TRAK1: variants seen among roughly 807,000 people sequenced by gnomAD.
TRAK1 encodes trafficking kinesin protein 1, also known as trafficking kinesin-binding protein 1.
TRAK1 carries 33 observed loss-of-function variants against 92.1 expected under a neutral mutation model. The observed-to-expected ratio is 0.36, with a 90% confidence interval of 0.27 to 0.48. TRAK1 has a LOEUF of 0.48. TRAK1 is among the 20% of genes least tolerant of loss of function. TRAK1 has a pLI of 0.99. For synonymous variants in TRAK1, 521 were observed against 517.3 expected (o/e 1.01, Z -0.10); for missense variants, 1,123 against 1,257.9 (o/e 0.89, Z 1.62).
chr3:42,079,485 T>C (rs921158208), intron 1 of TRAK1, among the ~76,000 whole-genome samples: 1 of 148,780 alleles, frequency 6.7e-6, no homozygotes, highest in Admixed American at 6.7e-5. Flanking sequence ...TTCTTTTTTT[T>C]TTTTTTTTGT....
At chr3:42,207,595 A>G (rs937945803) in intron 13 of TRAK1, among the ~76,000 whole-genome samples, 1 of 152,176 alleles carries the variant, frequency 6.6e-6, no homozygotes, top group African/African-American at 2.4e-5. Context: ...GATGGTTTCA[A>G]GGAGTGAGCT....
chr3:42,140,332 TA>T (rs1289556483), intron 2 of TRAK1, among the ~76,000 whole-genome samples: 2 of 152,080 alleles, frequency 1.3e-5, no homozygotes, highest in East Asian at 3.9e-4. Flanking sequence ...GGCAACATTT[TA>T]AAAAATAAAG....
At chr3:42,206,461 C>T (rs1461735274) in intron 13 of TRAK1, among the ~76,000 whole-genome samples, 4 of 152,206 alleles carry the variant, frequency 2.6e-5, no homozygotes, top group African/African-American at 9.7e-5. Flanking sequence ...AGAGAATGGA[C>T]ACTGGAGCCA....
chr3:42,026,586 A>G (rs1701927597), intron 1 of TRAK1, among the ~76,000 whole-genome samples: 1 of 148,798 alleles, frequency 6.7e-6, no homozygotes, highest in Admixed American at 6.8e-5. Context: ...GTGCAGTGGC[A>G]TGATCTCAGC....
At chr3:42,191,665 T>G in intron 7 of TRAK1, 29 bp downstream of exon 7, 1 of 1,574,258 alleles carries the variant, frequency 6.4e-7, no homozygotes, top group South Asian at 1.2e-5. Flanking sequence ...GTCTTCTTAC[T>G]TCCTTGCATC....
At chr3:42,084,722 A>T (rs937945553), upstream of TRAK1, among the ~76,000 whole-genome samples, 4 of 151,440 alleles carry the variant, frequency 2.6e-5, no homozygotes, top group Non-Finnish European at 5.9e-5. Flanking sequence ...CTTCTTGAGG[A>T]TTATAGGCTT....
rs1019880911 is a variant in TRAK1 at position 42,055,303 on chromosome 3, ACT to A, written c.-518-31792_-518-31791del. Among the ~76,000 whole-genome samples, 9 of 151,910 alleles carry A rather than the reference ACT, an allele frequency of 5.9e-5. No homozygotes were observed. The South Asian group carries it at 8.3e-4, about 14-fold the overall frequency. On this transcript the variant is annotated intron_variant, in intron 1 of 16. Coordinates refer to the TRAK1 transcript ENST00000487159. ...ACACCCCAAAGAAACTGCCCGTAAA[ACT>A]CTCTCTCTTTATAAAACTCTCTCCC...
At chr3:42,153,303 T>C (rs1700153544) in intron 2 of TRAK1, among the ~76,000 whole-genome samples, 1 of 152,116 alleles carries the variant, frequency 6.6e-6, no homozygotes, top group East Asian at 1.9e-4. Flanking sequence ...ACTCGGAAGC[T>C]GAGGTGGGAA....
intron 1 of TRAK1, among the ~76,000 whole-genome samples, chr3:42,027,284 GAGGC>G (rs1240030800): frequency 6.6e-6 from 1 of 152,174 alleles, no homozygotes; most frequent in Non-Finnish European, 1.5e-5. Context: ...AGCACTTTGG[GAGGC>G]CGAGACGGGC....
upstream of TRAK1, among the ~76,000 whole-genome samples, chr3:42,089,448 C>G (rs1439561507): frequency 6.6e-6 from 1 of 152,126 alleles, no homozygotes; most frequent in Non-Finnish European, 1.5e-5. Context: ...AGTGAGCTCC[C>G]CTTCTATAGA....
intron 14 of TRAK1, chr3:42,210,744 T>C (rs1200805938): frequency 1.0e-6 from 1 of 985,688 alleles, no homozygotes; most frequent in African/African-American, 1.7e-5. Context: ...AAAAAGTGTT[T>C]TAGCAATACT....
At chr3:42,205,993 T>C (rs951271117) in intron 13 of TRAK1, among the ~76,000 whole-genome samples, 2 of 152,126 alleles carry the variant, frequency 1.3e-5, no homozygotes, top group African/African-American at 4.8e-5. Context: ...AGTGAGCAGG[T>C]CTTGAGTTGG....
intron 2 of TRAK1, among the ~76,000 whole-genome samples, chr3:42,139,811 G>A (rs933486484): frequency 7.2e-5 from 11 of 152,172 alleles, no homozygotes; most frequent in Admixed American, 2.0e-4. Flanking sequence ...TGACAGCTCA[G>A]CTCACACTCC....
At chr3:42,222,406 T>C (rs1710446161) in intron 15 of TRAK1, among the ~76,000 whole-genome samples, 1 of 152,204 alleles carries the variant, frequency 6.6e-6, no homozygotes, top group African/African-American at 2.4e-5. Flanking sequence ...GGGCACAGCC[T>C]GGCCTCAGTC....
intron 15 of TRAK1, chr3:42,220,489 T>G: frequency 1.0e-6 from 1 of 985,380 alleles, no homozygotes; most frequent in Non-Finnish European, 1.2e-6. Flanking sequence ...CTATGAATAA[T>G]TCTCCGCAGG....
chr3:42,193,781 T>C, intron 8 of TRAK1, 43 bp from the exon 9 acceptor site: 1 of 1,608,610 alleles, frequency 6.2e-7, no homozygotes, highest in South Asian at 1.1e-5. Context: ...GTTGGACTTT[T>C]ACCAAGTATC....
At chr3:42,209,363 C>T (rs1460495873) in intron 13 of TRAK1, among the ~76,000 whole-genome samples, 3 of 152,134 alleles carry the variant, frequency 2.0e-5, no homozygotes, top group South Asian at 2.1e-4. Flanking sequence ...GCATAGAATA[C>T]GTACATGTGG....
chr3:42,094,918 A>G (rs1705673631), intron 1 of TRAK1, among the ~76,000 whole-genome samples: 1 of 152,214 alleles, frequency 6.6e-6, no homozygotes, highest in Non-Finnish European at 1.5e-5. Context: ...CTGGTGTTCC[A>G]GTCCTGAAGA....
rs1322649724 is a variant in TRAK1, at chr3:42,223,176, C to T, written c.2301C>T (p.Leu767=). The T allele has an allele frequency of 6.2e-7, 1 of 1,613,998 alleles. No individual in the cohort carries two copies. Among genetic ancestry groups the T allele is most frequent in the African/African-American group, 1.3e-5 (1 of 74,934 alleles). Residue 767 remains leucine, a synonymous_variant, in exon 16 of 16, where the codon CTC becomes CTT. Coordinates refer to ENST00000327628, the MANE Select transcript of TRAK1 (RefSeq NM_001042646.3). This position sits in a 1 kb window ranked among gnomAD's most constrained non-coding sequence, Gnocchi z 6.1. The part of the protein sequence containing the change: ...QSWDRAGRGS[L]LHSYTPKMAV... ...GGGACAGGGCCGGCCGGGGCTCCCTCCTGCACTCCTACACGCCCAAGATGG... is the reference window on the plus strand; with the variant it reads ...GGGACAGGGCCGGCCGGGGCTCCCTTCTGCACTCCTACACGCCCAAGATGG...
Sources: allele counts gnomAD v4.1 joint callset (sites outside exome capture counted in the v4.1 genomes callset), GRCh38; gene constraint gnomAD v4.1.1; non-coding constraint Gnocchi (gnomAD v3.1); transcripts MANE v1.5; gene names NCBI Gene and HGNC (gene_info 2026-07-23, HGNC 2026-07-21).